TFEC: variants seen among roughly 807,000 people sequenced by gnomAD.
The protein encoded by TFEC is class E basic helix-loop-helix protein 34.
A neutral mutation model predicts 41.6 loss-of-function variants in TFEC; 31 were observed. The observed-to-expected ratio is 0.74, with a 90% CI of 0.56 to 1.01. The LOEUF is 1.01. Among genes scored for constraint, TFEC ranks in the 50% least tolerant of loss-of-function variants. TFEC has a pLI of 0.00. For synonymous variants in TFEC, 143 were observed against 140.6 expected (o/e 1.02, Z -0.12); for missense variants, 402 against 404.1 (o/e 0.99, Z 0.04).
chr7:116,059,780 C>T (rs932807500), intron 3 of TFEC, among the ~76,000 whole-genome samples: 10 of 151,906 alleles, frequency 6.6e-5, no homozygotes, highest in Non-Finnish European at 1.3e-4. Flanking sequence ...TGACAAAATA[C>T]AGCACCATTG....
At chr7:116,135,432 T>C (rs1432123919) in intron 1 of TFEC, among the ~76,000 whole-genome samples, 1 of 152,150 alleles carries the variant, frequency 6.6e-6, no homozygotes, top group Non-Finnish European at 1.5e-5. Context: ...GTGTTGTTCT[T>C]GAAGAATTCT....
chr7:116,092,083 T>C (rs1045371654), intron 3 of TFEC, among the ~76,000 whole-genome samples: 9 of 152,152 alleles, frequency 5.9e-5, no homozygotes, highest in Admixed American at 4.6e-4. Flanking sequence ...GTAAAGCTAC[T>C]AGATCTCCCA....
At chr7:115,964,498 C>A (rs1485716641) in intron 3 of TFEC, among the ~76,000 whole-genome samples, 1 of 151,464 alleles carries the variant, frequency 6.6e-6, no homozygotes, top group East Asian at 1.9e-4. Flanking sequence ...ACTTTGAATT[C>A]AAAAGCTATA....
intron 1 of TFEC, among the ~76,000 whole-genome samples, chr7:116,112,231 G>GA (rs1554421780): frequency 6.6e-6 from 1 of 151,896 alleles, no homozygotes; most frequent in Non-Finnish European, 1.5e-5. Flanking sequence ...ACAATATCTG[G>GA]AAAAATAAGG....
intron 3 of TFEC, among the ~76,000 whole-genome samples, chr7:116,072,686 A>T (rs1796858247): frequency 6.6e-6 from 1 of 151,592 alleles, no homozygotes; most frequent in Non-Finnish European, 1.5e-5. Context: ...GGTAAGTTTA[A>T]ATTTTTTAAA....
At chr7:116,154,404 A>G (rs921682115) in intron 1 of TFEC, among the ~76,000 whole-genome samples, 3 of 152,168 alleles carry the variant, frequency 2.0e-5, no homozygotes, top group Non-Finnish European at 2.9e-5. Flanking sequence ...CTTTTGAAGG[A>G]GTACGTAACT....
At chr7:116,036,814 G>A (rs912988530) in intron 3 of TFEC, among the ~76,000 whole-genome samples, 1 of 151,980 alleles carries the variant, frequency 6.6e-6, no homozygotes, top group African/African-American at 2.4e-5. Flanking sequence ...CTGGTATCAG[G>A]AATAAAAGAA....
intron 1 of TFEC, among the ~76,000 whole-genome samples, chr7:115,986,607 G>A (rs1428654159): frequency 2.0e-5 from 3 of 151,898 alleles, no homozygotes; most frequent in Non-Finnish European, 4.4e-5. Flanking sequence ...AGCAGGCAAA[G>A]GAAAGAACAT....
At chr7:116,029,946 A>G (rs992357440) in intron 1 of TFEC, among the ~76,000 whole-genome samples, 1 of 151,942 alleles carries the variant, frequency 6.6e-6, no homozygotes, top group African/African-American at 2.4e-5. Flanking sequence ...CATGCCTGTA[A>G]TCCCAGCTAC....
At chr7:116,100,217 G>T (rs1584515598) in intron 3 of TFEC, among the ~76,000 whole-genome samples, 1 of 152,022 alleles carries the variant, frequency 6.6e-6, no homozygotes. Context: ...TATAGACTGT[G>T]GTCTCTTTTT....
chr7:116,114,398 CAAAAT>C (rs1457103700), intron 1 of TFEC, among the ~76,000 whole-genome samples: 1 of 151,550 alleles, frequency 6.6e-6, no homozygotes, highest in Non-Finnish European at 1.5e-5. Flanking sequence ...AAAAATAAAA[CAAAAT>C]AAACAACAAA....
rs941049139 is a variant in TFEC at position 115,935,210 on chromosome 7, G to A, written c.*5341C>T. On this transcript the variant is annotated 3_prime_UTR_variant, in exon 8 of 8. Coordinates refer to ENST00000265440, the MANE Select transcript of TFEC (RefSeq NM_012252.4). ...AAAGAAAATATTGGTACATTTTAAG[G>A]TATTTTTACAAAGATTTTTGTATGT... 1.3e-5 allele frequency: 2 copies of A among 151,758 alleles called. No individual in the cohort carries two copies. Among genetic ancestry groups the A allele is most frequent in the African/African-American group, 4.8e-5 (2 of 41,330 alleles). The allele number at this position is 151,758 out of a possible 1,614,324, so 9.4% of individuals were successfully genotyped here.
exon 3 of TFEC, chr7:116,110,895 G>A: frequency 6.5e-7 from 1 of 1,534,468 alleles, no homozygotes; most frequent in Non-Finnish European, 8.8e-7. Flanking sequence ...TCCAGTTAAA[G>A]CTTGTAACAT....
chr7:116,023,716 C>T (rs1340372364), intron 1 of TFEC, among the ~76,000 whole-genome samples: 2 of 152,042 alleles, frequency 1.3e-5, no homozygotes, highest in Non-Finnish European at 2.9e-5. Flanking sequence ...TAAATGTGCC[C>T]TATGGTCTGA....
At chr7:116,096,640 T>C (rs73462561) in intron 3 of TFEC, among the ~76,000 whole-genome samples, 3,253 of 152,268 alleles carry the variant, frequency 0.021, 104 homozygotes, top group African/African-American at 0.075. Context: ...TGTCCCGATA[T>C]TTTGTGCATT....
chr7:116,125,925 C>A (rs973662499), intron 1 of TFEC, among the ~76,000 whole-genome samples: 2 of 152,088 alleles, frequency 1.3e-5, no homozygotes, highest in African/African-American at 2.4e-5. Flanking sequence ...AAGAACTGAG[C>A]AAACTGAAAT....
chr7:116,128,953 G>C (rs906527237), intron 1 of TFEC, among the ~76,000 whole-genome samples: 11 of 151,974 alleles, frequency 7.2e-5, no homozygotes, highest in African/African-American at 1.4e-4. Flanking sequence ...AAACATATCA[G>C]TGCTTTCAGT....
intron 1 of TFEC, among the ~76,000 whole-genome samples, chr7:116,156,702 A>G (rs1190071094): frequency 6.6e-6 from 1 of 152,158 alleles, no homozygotes; most frequent in African/African-American, 2.4e-5. Flanking sequence ...CATCTTCCAT[A>G]TCAATGTTAA....
chr7:116,045,449 C>T (rs1796141009), intron 3 of TFEC, among the ~76,000 whole-genome samples: 1 of 152,170 alleles, frequency 6.6e-6, no homozygotes, highest in African/African-American at 2.4e-5. Flanking sequence ...CCCAGCTGCT[C>T]CAGGCTATGG....
Sources: allele counts gnomAD v4.1 joint callset (sites outside exome capture counted in the v4.1 genomes callset), GRCh38; gene constraint gnomAD v4.1.1; transcripts MANE v1.5; gene names NCBI Gene and HGNC (gene_info 2026-07-23, HGNC 2026-07-21).